The following CDH12 variants were observed in gnomAD, a reference collection of about 807,000 sequenced individuals.
CDH12 encodes cadherin 12, also known as cadherin-12.
A neutral mutation model predicts 74.1 loss-of-function variants in CDH12; 41 were observed. That is an observed-to-expected ratio of 0.55 (90% CI 0.43 to 0.72). The LOEUF is 0.72. Among genes scored for constraint, CDH12 ranks in the 30% least tolerant of loss-of-function variants. CDH12 has a pLI of 0.00. For synonymous variants in CDH12, 399 were observed against 355.0 expected (o/e 1.12, Z -1.39); for missense variants, 945 against 977.2 (o/e 0.97, Z 0.44).
intron 6 of CDH12, among the ~76,000 whole-genome samples, chr5:21,868,495 G>A (rs1157052262): frequency 6.6e-6 from 1 of 152,176 alleles, no homozygotes; most frequent in Admixed American, 6.5e-5. Flanking sequence ...CAAAGTCATA[G>A]GAGTGTAGCT....
At chr5:22,545,721 T>C (rs1738293769) in intron 1 of CDH12, among the ~76,000 whole-genome samples, 1 of 152,212 alleles carries the variant, frequency 6.6e-6, no homozygotes, top group Admixed American at 6.5e-5. Flanking sequence ...ATAAAAATAA[T>C]AATTGATGTA....
At chr5:21,769,305 A>C (rs1745194895) in intron 11 of CDH12, among the ~76,000 whole-genome samples, 1 of 152,098 alleles carries the variant, frequency 6.6e-6, no homozygotes, top group Non-Finnish European at 1.5e-5. Flanking sequence ...GATGGAAAGA[A>C]AGAAATAAAA....
intron 1 of CDH12, among the ~76,000 whole-genome samples, chr5:22,816,192 A>G (rs543035189): frequency 6.6e-6 from 1 of 152,294 alleles, no homozygotes; most frequent in South Asian, 2.1e-4. Context: ...AAATTTGCTT[A>G]AATTATAAAA....
intron 4 of CDH12, among the ~76,000 whole-genome samples, chr5:22,153,915 C>CACACACAT (rs1554015789): frequency 1.2e-4 from 7 of 57,176 alleles, no homozygotes; most frequent in African/African-American, 4.2e-4. Context: ...CACACACATA[C>CACACACAT]ACACACACAC....
At chr5:22,410,956 A>T (rs555189600) in intron 2 of CDH12, among the ~76,000 whole-genome samples, 2 of 152,166 alleles carry the variant, frequency 1.3e-5, no homozygotes, top group African/African-American at 2.4e-5. Flanking sequence ...ATAGATTTTT[A>T]AAAATGGAAA....
chr5:22,491,622 C>CAAAAAAAAAAAAAAAAAAAAAAAACA (rs33936783), intron 2 of CDH12, among the ~76,000 whole-genome samples: 2 of 135,638 alleles, frequency 1.5e-5, no homozygotes, highest in African/African-American at 2.8e-5. Context: ...AAAAAAAAAA[C>CAAAAAAAAAAAAAAAAAAAAAAAACA]AAAAAAAAAA....
chr5:22,037,529 A>AT (rs1288338859), intron 5 of CDH12, among the ~76,000 whole-genome samples: 4 of 152,102 alleles, frequency 2.6e-5, no homozygotes, highest in Non-Finnish European at 5.9e-5. Flanking sequence ...CAACACCTTG[A>AT]TTTTTTTCCT....
intron 1 of CDH12, among the ~76,000 whole-genome samples, chr5:22,752,734 G>T (rs1745657325): frequency 6.9e-6 from 1 of 145,040 alleles, no homozygotes. Flanking sequence ...ACTACGCCCG[G>T]CTAATTTTTT....
chr5:22,752,682 C>T (rs981703879), intron 1 of CDH12, among the ~76,000 whole-genome samples: 1 of 84,028 alleles, frequency 1.2e-5, no homozygotes. Flanking sequence ...CGCCATTCTC[C>T]TGCCTCAGCC....
chr5:21,804,042 A>G (rs533242064), intron 9 of CDH12, among the ~76,000 whole-genome samples: 79 of 152,290 alleles, frequency 5.2e-4, no homozygotes, highest in Middle Eastern at 3.4e-3. Flanking sequence ...TTAATTCCCT[A>G]TAGGTATTCC....
At chr5:22,497,634 A>ATC (rs1747152612) in intron 2 of CDH12, among the ~76,000 whole-genome samples, 2 of 109,156 alleles carry the variant, frequency 1.8e-5, no homozygotes, top group South Asian at 3.1e-4. Flanking sequence ...TGCCTGTCGA[A>ATC]TCTCTTTTTT....
In CDH12 at chr5:22,262,466, T is replaced by A. The variant is rs1333932304; in HGVS notation, c.-332-49823A>T. Reference sequence around the variant, plus strand: ...CGTGAACTCATTTTTTATGGCTGCATAGTATTCCATGGTGTATATGTGCCA... The same window carrying A: ...CGTGAACTCATTTTTTATGGCTGCAAAGTATTCCATGGTGTATATGTGCCA... On this transcript the variant is annotated intron_variant, in intron 3 of 14. Transcript: ENST00000382254. Among the ~76,000 whole-genome samples the A allele has an allele frequency of 1.6e-4, 25 of 152,000 alleles. No homozygotes were observed. In the East Asian group the frequency reaches 4.5e-3, roughly 27 times the overall value.
At chr5:22,435,409 C>A (rs1387285851) in intron 2 of CDH12, among the ~76,000 whole-genome samples, 3 of 150,776 alleles carry the variant, frequency 2.0e-5, no homozygotes, top group South Asian at 4.2e-4. Context: ...TATATACACA[C>A]ACATATATAT....
At chr5:22,716,308 C>G (rs1743575541) in intron 1 of CDH12, among the ~76,000 whole-genome samples, 1 of 152,078 alleles carries the variant, frequency 6.6e-6, no homozygotes, top group South Asian at 2.1e-4. Context: ...TATACTGCAT[C>G]TGGATATTTC....
At chr5:21,998,428 CATA>C (rs1736421855) in intron 5 of CDH12, among the ~76,000 whole-genome samples, 1 of 152,062 alleles carries the variant, frequency 6.6e-6, no homozygotes, top group African/African-American at 2.4e-5. Flanking sequence ...TATCTATTAG[CATA>C]ATGTTAGTTT....
intron 6 of CDH12, among the ~76,000 whole-genome samples, chr5:21,961,271 C>T (rs1033111188): frequency 6.6e-6 from 1 of 151,984 alleles, no homozygotes; most frequent in Non-Finnish European, 1.5e-5. Context: ...TGAGCTTAAC[C>T]TTTTATCATT....
chr5:22,786,391 C>T (rs1747626660), intron 1 of CDH12, among the ~76,000 whole-genome samples: 1 of 152,132 alleles, frequency 6.6e-6, no homozygotes, highest in African/African-American at 2.4e-5. Context: ...TCAAAAGTTC[C>T]CTTTGTGGGG....
chr5:21,781,587 G>A (rs1008486374), intron 11 of CDH12, among the ~76,000 whole-genome samples: 1 of 152,010 alleles, frequency 6.6e-6, no homozygotes, highest in Non-Finnish European at 1.5e-5. Flanking sequence ...AGCCAGGTGC[G>A]ATGATACATG....
chr5:22,424,532 A>G (rs1317284322), intron 2 of CDH12, among the ~76,000 whole-genome samples: 1 of 152,166 alleles, frequency 6.6e-6, no homozygotes, highest in Non-Finnish European at 1.5e-5. Context: ...GAGCCCACCG[A>G]ACTTACCAGC....
Sources: allele counts gnomAD v4.1 joint callset (sites outside exome capture counted in the v4.1 genomes callset), GRCh38; gene constraint gnomAD v4.1.1; transcripts MANE v1.5; gene names NCBI Gene and HGNC (gene_info 2026-07-23, HGNC 2026-07-21).